SGCZ: variants seen among roughly 807,000 people sequenced by gnomAD.
SGCZ encodes zeta-sarcoglycan.
Under a neutral mutation model 41.3 loss-of-function variants are expected in SGCZ, and 40 were observed. That is an observed-to-expected ratio of 0.97 (90% CI 0.75 to 1.26). SGCZ has a LOEUF of 1.26. Ranked by LOEUF, SGCZ falls within the 50% of genes most tolerant of loss-of-function variation. SGCZ has a pLI of 0.00. For missense variants in SGCZ, 552 were observed against 369.8 expected (o/e 1.49, Z -4.04); for synonymous variants, 206 against 137.5 (o/e 1.50, Z -3.49).
chr8:15,195,702 T>C (rs535948391), intron 1 of SGCZ, among the ~76,000 whole-genome samples: 1 of 152,260 alleles, frequency 6.6e-6, no homozygotes, highest in East Asian at 1.9e-4. Flanking sequence ...TGCCATTTGG[T>C]ATGTTCAAGT....
At chr8:14,107,384 T>G (rs1802238672) in intron 6 of SGCZ, among the ~76,000 whole-genome samples, 1 of 152,150 alleles carries the variant, frequency 6.6e-6, no homozygotes, top group Admixed American at 6.5e-5. Context: ...CTTTTACATA[T>G]AAATGCCTCC....
intron 1 of SGCZ, among the ~76,000 whole-genome samples, chr8:15,119,540 AG>A (rs1166533039): frequency 6.6e-6 from 1 of 151,804 alleles, no homozygotes; most frequent in East Asian, 1.9e-4. Flanking sequence ...CAAAAAGAAA[AG>A]AAAAAAAAAA....
intron 2 of SGCZ, among the ~76,000 whole-genome samples, chr8:14,444,138 C>T (rs892041643): frequency 7.2e-5 from 11 of 152,002 alleles, no homozygotes; most frequent in East Asian, 3.9e-4. Flanking sequence ...GTTAGAATGG[C>T]GATCATTAAA....
intron 3 of SGCZ, among the ~76,000 whole-genome samples, chr8:14,264,786 C>T (rs78008005): frequency 6.6e-6 from 1 of 151,868 alleles, no homozygotes; most frequent in African/African-American, 2.4e-5. Flanking sequence ...ACGGTGAAAC[C>T]CCGTCTCTAC....
At chr8:15,053,575 C>T (rs781190468) in intron 1 of SGCZ, among the ~76,000 whole-genome samples, 5 of 151,872 alleles carry the variant, frequency 3.3e-5, no homozygotes, top group Non-Finnish European at 5.9e-5. Context: ...AGGTGAAAAA[C>T]GATATATCCC....
chr8:15,112,025 C>T (rs375964747), intron 1 of SGCZ, among the ~76,000 whole-genome samples: 4 of 152,182 alleles, frequency 2.6e-5, no homozygotes, highest in African/African-American at 7.2e-5. Context: ...CACTCAAGGC[C>T]TGCCTTCTGG....
chr8:14,240,811 G>T (rs538738386), intron 3 of SGCZ, among the ~76,000 whole-genome samples: 40 of 152,224 alleles, frequency 2.6e-4, no homozygotes, highest in Non-Finnish European at 5.0e-4. Flanking sequence ...TAGACCCATT[G>T]CTCATGCATT....
At chr8:14,365,137 A>G (rs556596961) in intron 2 of SGCZ, among the ~76,000 whole-genome samples, 1 of 152,060 alleles carries the variant, frequency 6.6e-6, no homozygotes, top group African/African-American at 2.4e-5. Flanking sequence ...ACAGTGATAT[A>G]TGCTTTAGAT....
chr8:14,858,613 G>A (rs1414917213), intron 1 of SGCZ, among the ~76,000 whole-genome samples: 2 of 152,140 alleles, frequency 1.3e-5, no homozygotes, highest in African/African-American at 4.8e-5. Context: ...TAGTTGCAAT[G>A]TGTAATCTGA....
intron 1 of SGCZ, among the ~76,000 whole-genome samples, chr8:15,033,787 G>T (rs2130963308): frequency 6.6e-6 from 1 of 152,216 alleles, no homozygotes; most frequent in Admixed American, 6.5e-5. Context: ...GAGGATACAA[G>T]CTTCAGGCCC....
intron 3 of SGCZ, among the ~76,000 whole-genome samples, chr8:14,279,317 G>T (rs1800343291): frequency 6.6e-6 from 1 of 151,958 alleles, no homozygotes; most frequent in Admixed American, 6.6e-5. Context: ...TATATATGCT[G>T]CATTAAAACA....
chr8:15,108,073 T>C (rs1306140278), intron 1 of SGCZ, among the ~76,000 whole-genome samples: 1 of 152,172 alleles, frequency 6.6e-6, no homozygotes, highest in Non-Finnish European at 1.5e-5. Context: ...CTCAAGGAAA[T>C]AGGTTTGGAT....
chr8:14,835,320 T>G lies in SGCZ; in HGVS notation c.40-280394A>C, dbSNP rs60130537. On this transcript the variant is annotated intron_variant, in intron 1 of 7. Transcript: ENST00000382080. ...GGATTCCAAATAAATACTAATATTT[T>G]TCTGTAGTTATACATTAAAAGGTTA... 7.6e-3 allele frequency among the ~76,000 whole-genome samples: 1,162 copies of G among 152,342 alleles called. 15 individuals are homozygous for G. Among genetic ancestry groups the G allele is most frequent in the African/African-American group, 0.026 (1,086 of 41,572 alleles).
chr8:14,962,420 C>A (rs1369802194), intron 1 of SGCZ, among the ~76,000 whole-genome samples: 5 of 151,552 alleles, frequency 3.3e-5, no homozygotes, highest in Non-Finnish European at 7.4e-5. Flanking sequence ...AATTTATGAT[C>A]TATCATACAC....
At chr8:14,104,320 G>A (rs548661680) in intron 6 of SGCZ, among the ~76,000 whole-genome samples, 187 of 152,148 alleles carry the variant, frequency 1.2e-3, no homozygotes, top group African/African-American at 4.2e-3. Context: ...CAGAGAGAAG[G>A]ATAGTCCCTC....
intron 1 of SGCZ, among the ~76,000 whole-genome samples, chr8:14,799,523 A>G (rs1801245721): frequency 6.6e-6 from 1 of 152,022 alleles, no homozygotes; most frequent in Non-Finnish European, 1.5e-5. Context: ...GTGATTCTGC[A>G]AAGTCAGGAG....
chr8:14,344,684 G>T (rs1489603010), intron 2 of SGCZ, among the ~76,000 whole-genome samples: 1 of 152,054 alleles, frequency 6.6e-6, no homozygotes, highest in Non-Finnish European at 1.5e-5. Flanking sequence ...TGTAAGTAAT[G>T]CACAGGATGA....
intron 2 of SGCZ, among the ~76,000 whole-genome samples, chr8:14,537,254 C>A (rs961782586): frequency 2.0e-5 from 3 of 151,850 alleles, no homozygotes; most frequent in African/African-American, 7.2e-5. Flanking sequence ...ACATGAACTG[C>A]ATTTCTTCAC....
chr8:14,172,775 G>T (rs546249205), intron 4 of SGCZ, among the ~76,000 whole-genome samples: 1 of 152,250 alleles, frequency 6.6e-6, no homozygotes, highest in African/African-American at 2.4e-5. Context: ...GATATGGACA[G>T]AATTTGTGGG....
Sources: gnomAD v4.1 joint callset for allele counts (sites outside exome capture counted in the v4.1 genomes callset) on GRCh38, gnomAD v4.1.1 for gene constraint, MANE v1.5 for transcripts, NCBI Gene and HGNC (gene_info 2026-07-23, HGNC 2026-07-21) for gene names.